Variants in GPATCH2 observed in about 807,000 individuals in gnomAD.
The protein encoded by GPATCH2 is G patch domain-containing protein 2.
GPATCH2 carries 51 observed loss-of-function variants against 58.0 expected under a neutral mutation model. The observed-to-expected ratio is 0.88, with a 90% CI of 0.70 to 1.11. The LOEUF (loss-of-function observed/expected upper bound fraction) is 1.11, where lower values mean the gene tolerates loss of function less well. Ranked by LOEUF, GPATCH2 falls within the 50% of genes most tolerant of loss-of-function variation. The probability of loss-of-function intolerance (pLI) is 0.00; values close to 1 mark genes in which losing one functional copy is unlikely to be tolerated. For synonymous variants in GPATCH2, 222 were observed against 218.5 expected (o/e 1.02, Z -0.14); for missense variants, 625 against 652.2 (o/e 0.96, Z 0.45).
chr1:217,474,743 T>C (rs1243159218), intron 8 of GPATCH2, among the ~76,000 whole-genome samples: 1 of 152,196 alleles, frequency 6.6e-6, no homozygotes, highest in Non-Finnish European at 1.5e-5. Flanking sequence ...TTTACCTGCT[T>C]GGTATATTTT....
In GPATCH2 at chr1:217,466,235, G is replaced by A. The variant is rs191757404; in HGVS notation, c.1278-16898C>T. 9.0e-4 allele frequency among the ~76,000 whole-genome samples: 136 copies of A among 151,160 alleles called. 1 individual carries two copies. The highest frequency in any genetic ancestry group is 2.5e-3 in the African/African-American group (101 of 41,172). ...TGGTAATCATTAAAAATATATTTAC[G>A]TATAGAACTAAAACTGAATGGACTG... On this transcript the variant is annotated intron_variant, in intron 8 of 9. Transcript: ENST00000366935.
intron 5 of GPATCH2, among the ~76,000 whole-genome samples, chr1:217,519,610 C>T (rs1036462934): frequency 6.6e-6 from 1 of 152,160 alleles, no homozygotes; most frequent in Non-Finnish European, 1.5e-5. Context: ...TTCTAAATTG[C>T]TGCTTTTCAC....
intron 5 of GPATCH2, among the ~76,000 whole-genome samples, chr1:217,536,891 C>T (rs1664499857): frequency 1.3e-5 from 2 of 152,066 alleles, no homozygotes; most frequent in South Asian, 2.1e-4. Context: ...GCAGGAGAAT[C>T]GCTTGAACCG....
At chr1:217,486,515 T>C (rs1230852645) in intron 8 of GPATCH2, among the ~76,000 whole-genome samples, 2 of 152,144 alleles carry the variant, frequency 1.3e-5, no homozygotes, top group East Asian at 3.9e-4. Flanking sequence ...AAATGTTTTA[T>C]AGAGACAGAG....
At position 217,531,618 on chromosome 1, in the gene GPATCH2, G is replaced by C. The variant is rs183257672; in HGVS notation, c.1099-16729C>G. Among the ~76,000 whole-genome samples, 4 of 152,298 alleles carry C rather than the reference G, an allele frequency of 2.6e-5. No homozygotes were observed. In the East Asian group the frequency reaches 5.8e-4, roughly 22 times the overall value. ...TAATTTACTCAGTGCTTTGCATAAA[G>C]AGTGGTTCATAATTTTTAAAATATA... On this transcript the variant is annotated intron_variant, in intron 5 of 9. Coordinates refer to ENST00000366935, the MANE Select transcript of GPATCH2 (RefSeq NM_018040.5).
rs1470031637 is a variant in GPATCH2 at position 217,580,869 on chromosome 1, G to A, written c.1098+29452C>T. Among the ~76,000 whole-genome samples the A allele has an allele frequency of 4.2e-5, 4 of 95,234 alleles. 1 individual carries two copies. Among genetic ancestry groups the A allele is most frequent in the Non-Finnish European group, 8.7e-5 (4 of 45,892 alleles). 62.5% of individuals were successfully genotyped at this position (95,234 alleles called of 152,430 possible). On this transcript the variant is annotated intron_variant, in intron 5 of 9. Coordinates refer to ENST00000366935, the MANE Select transcript of GPATCH2 (RefSeq NM_018040.5). ...TAAAAATACAAAAAATTAGCCGGGC[G>A]CGGTGGCGGGCGCCTGTAGTCCCAG...
intron 5 of GPATCH2, among the ~76,000 whole-genome samples, chr1:217,543,269 GTTT>G (rs397860651): frequency 9.5e-6 from 1 of 105,696 alleles, no homozygotes; most frequent in Non-Finnish European, 1.9e-5. Context: ...TGATGCGAAC[GTTT>G]TTTTTTTTTT....
intron 5 of GPATCH2, among the ~76,000 whole-genome samples, chr1:217,516,090 T>G (rs1663131011): frequency 6.6e-6 from 1 of 152,022 alleles, no homozygotes; most frequent in Non-Finnish European, 1.5e-5. Flanking sequence ...TCCTTTTTTT[T>G]TTTTAGAATT....
chr1:217,451,486 G>A (rs1289178776), intron 8 of GPATCH2, among the ~76,000 whole-genome samples: 1 of 152,138 alleles, frequency 6.6e-6, no homozygotes, highest in African/African-American at 2.4e-5. Context: ...ATACACTTGA[G>A]CTTCTTTGAC....
At chr1:217,454,081 G>C (rs1309400607) in intron 8 of GPATCH2, among the ~76,000 whole-genome samples, 1 of 152,014 alleles carries the variant, frequency 6.6e-6, no homozygotes, top group Non-Finnish European at 1.5e-5. Flanking sequence ...ATAAGGATGG[G>C]GGTTGGGAAA....
intron 8 of GPATCH2, among the ~76,000 whole-genome samples, chr1:217,453,557 T>C (rs1397211705): frequency 6.6e-6 from 1 of 152,184 alleles, no homozygotes; most frequent in Non-Finnish European, 1.5e-5. Context: ...TTAAACCAAC[T>C]TCACTTGGTT....
chr1:217,466,844 TG>T (rs1660476116), intron 8 of GPATCH2, among the ~76,000 whole-genome samples: 1 of 151,232 alleles, frequency 6.6e-6, no homozygotes, highest in South Asian at 2.1e-4. Flanking sequence ...GAGAGATGTT[TG>T]CTTCTCTTAA....
chr1:217,554,830 A>T (rs902963049), intron 5 of GPATCH2, among the ~76,000 whole-genome samples: 2 of 152,216 alleles, frequency 1.3e-5, no homozygotes, highest in African/African-American at 4.8e-5. Flanking sequence ...TTTATTTTCA[A>T]ATTGTCTTTT....
intron 8 of GPATCH2, among the ~76,000 whole-genome samples, chr1:217,474,773 A>G (rs2102507934): frequency 6.6e-6 from 1 of 152,228 alleles, no homozygotes. Flanking sequence ...TGACCCTACA[A>G]TTTATTGATT....
intron 8 of GPATCH2, among the ~76,000 whole-genome samples, chr1:217,478,696 G>A (rs574441241): frequency 6.6e-6 from 1 of 150,844 alleles, no homozygotes; most frequent in South Asian, 2.1e-4. Context: ...AAAGAGATAG[G>A]GGTAGAAAGT....
intron 1 of GPATCH2, among the ~76,000 whole-genome samples, chr1:217,625,049 T>C (rs1669385209): frequency 6.6e-6 from 1 of 152,224 alleles, no homozygotes; most frequent in Non-Finnish European, 1.5e-5. Flanking sequence ...TGGATTATGC[T>C]GAGCAATATA....
chr1:217,504,221 A>G (rs1272042251), intron 6 of GPATCH2, among the ~76,000 whole-genome samples: 3 of 152,164 alleles, frequency 2.0e-5, no homozygotes. Context: ...AATAATCTGA[A>G]AGGGACAATG....
chr1:217,570,269 G>T (rs1243390871), intron 5 of GPATCH2, among the ~76,000 whole-genome samples: 1 of 151,928 alleles, frequency 6.6e-6, no homozygotes, highest in Non-Finnish European at 1.5e-5. Flanking sequence ...ACGCCACCAC[G>T]CCTGGCTAAT....
chr1:217,558,725 G>A (rs558345647), intron 5 of GPATCH2, among the ~76,000 whole-genome samples: 2 of 152,230 alleles, frequency 1.3e-5, no homozygotes, highest in African/African-American at 4.8e-5. Context: ...AAGGTGGGAG[G>A]AGCACTTGAG....
Sources: gnomAD v4.1 joint callset for allele counts (sites outside exome capture counted in the v4.1 genomes callset) on GRCh38, gnomAD v4.1.1 for gene constraint, MANE v1.5 for transcripts, NCBI Gene and HGNC (gene_info 2026-07-23, HGNC 2026-07-21) for gene names.